Variants in PCDH9 observed in about 807,000 individuals in gnomAD.
The protein encoded by PCDH9 is protocadherin-9.
PCDH9 carries 24 observed loss-of-function variants against 70.6 expected under a neutral mutation model. The ratio of observed to expected loss-of-function variants is 0.34; its 90% confidence interval spans 0.25 to 0.48. The LOEUF (loss-of-function observed/expected upper bound fraction) is 0.48. PCDH9 is among the 20% of genes least tolerant of loss of function. The pLI, the probability that PCDH9 is intolerant of heterozygous loss-of-function variation, is 0.99. For synonymous variants in PCDH9, 562 were observed against 558.5 expected, an observed-to-expected ratio of 1.01 and a Z score of -0.09; for missense variants, 1,281 against 1,503.6, an observed-to-expected ratio of 0.85 and a Z score of 2.45.
Position 67,211,570 on chromosome 13 carries a change from A to T in PCDH9, c.3036+13835T>A, listed in dbSNP as rs189610568. The T allele has an allele frequency of 1.8e-4, 27 of 152,230 alleles. No homozygotes were observed. The East Asian group carries it at 4.8e-3, about 27-fold the overall frequency. The allele number at this position is 152,230 out of a possible 1,614,324, so 9.4% of individuals were successfully genotyped here. ...AGTGTTTTAGAAATAATTGAGTTAAAAAAACATAGTCTGTCTTGGCTGTAA... is the reference window on the plus strand; with the variant it reads ...AGTGTTTTAGAAATAATTGAGTTAATAAAACATAGTCTGTCTTGGCTGTAA... On this transcript the variant is annotated intron_variant, in intron 2 of 4. Coordinates refer to ENST00000377865, the MANE Select transcript of PCDH9 (RefSeq NM_203487.3).
intron 2 of PCDH9, among the ~76,000 whole-genome samples, chr13:66,918,452 A>C (rs1409223670): frequency 2.0e-5 from 3 of 151,218 alleles, no homozygotes; most frequent in Non-Finnish European, 3.0e-5. Context: ...CTCTTTTTAA[A>C]CTGGTAGGAG....
intron 4 of PCDH9, among the ~76,000 whole-genome samples, chr13:66,614,330 T>C (rs1171519048): frequency 2.6e-5 from 4 of 152,212 alleles, no homozygotes; most frequent in Non-Finnish European, 1.5e-5. Flanking sequence ...TGTGAACATA[T>C]TGACTAAATT....
chr13:67,149,835 AT>A (rs1387897111), intron 2 of PCDH9, among the ~76,000 whole-genome samples: 2 of 152,150 alleles, frequency 1.3e-5, no homozygotes, highest in Non-Finnish European at 2.9e-5. Context: ...GCAAATTAGC[AT>A]GTTTAATCGT....
chr13:66,520,348 A>G (rs1959933657), intron 4 of PCDH9, among the ~76,000 whole-genome samples: 1 of 152,152 alleles, frequency 6.6e-6, no homozygotes, highest in African/African-American at 2.4e-5. Flanking sequence ...TTCTAGTAAT[A>G]GAAGAAAACA....
chr13:67,091,109 A>G (rs2086209226), intron 2 of PCDH9, among the ~76,000 whole-genome samples: 2 of 152,106 alleles, frequency 1.3e-5, no homozygotes, highest in African/African-American at 4.8e-5. Flanking sequence ...AGTGCTTCCT[A>G]AAATGTTTCA....
At chr13:66,358,233 T>C (rs1956416631) in intron 4 of PCDH9, among the ~76,000 whole-genome samples, 1 of 151,994 alleles carries the variant, frequency 6.6e-6, no homozygotes. Context: ...AGGGAAAGTC[T>C]CAGTTTTATA....
At chr13:66,758,809 T>G (rs1043022635) in intron 3 of PCDH9, among the ~76,000 whole-genome samples, 1 of 152,052 alleles carries the variant, frequency 6.6e-6, no homozygotes, top group Non-Finnish European at 1.5e-5. Flanking sequence ...TACTCCTTAC[T>G]GATCTATTTA....
chr13:67,141,552 T>C (rs1479288602), intron 2 of PCDH9, among the ~76,000 whole-genome samples: 1 of 152,068 alleles, frequency 6.6e-6, no homozygotes, highest in Non-Finnish European at 1.5e-5. Context: ...GTGATTCTCC[T>C]GCCTCAGCCT....
intron 4 of PCDH9, among the ~76,000 whole-genome samples, chr13:66,546,258 A>G (rs1297772027): frequency 1.3e-5 from 2 of 152,032 alleles, no homozygotes; most frequent in African/African-American, 4.8e-5. Context: ...ATCATAGGAG[A>G]TGACAGCACA....
intron 2 of PCDH9, chr13:67,224,832 CAA>C (rs1379413530): frequency 2.2e-6 from 2 of 929,862 alleles, no homozygotes; most frequent in Non-Finnish European, 1.3e-6. Flanking sequence ...AATTTGAAAT[CAA>C]AGAGAAGACT....
intron 2 of PCDH9, chr13:67,214,973 T>TATATATATATATATATGTATA (rs56334218): frequency 7.9e-6 from 1 of 126,394 alleles, no homozygotes; most frequent in Admixed American, 8.3e-5. Context: ...TATATATATA[T>TATATATATATATATATGTATA]TCACTTAATC....
At chr13:66,581,460 A>C (rs2076891172) in intron 4 of PCDH9, among the ~76,000 whole-genome samples, 2 of 152,208 alleles carry the variant, frequency 1.3e-5, no homozygotes, top group Admixed American at 1.3e-4. Flanking sequence ...GATGCACAGC[A>C]AAAGTGAATT....
At position 66,635,910 on chromosome 13, in the gene PCDH9, A is replaced by G. The variant is rs117704619; in HGVS notation, c.3139-4499T>C. Among the ~76,000 whole-genome samples, 1,163 of 152,316 alleles carry G rather than the reference A, an allele frequency of 7.6e-3. 5 individuals are homozygous for G. The highest frequency in any genetic ancestry group is 0.011 in the Non-Finnish European group (765 of 68,012). On this transcript the variant is annotated intron_variant, in intron 3 of 4. Coordinates refer to ENST00000377865, the MANE Select transcript of PCDH9 (RefSeq NM_203487.3). ...GTCTAATAGATGATTAGTAAGTTATATAATATCCTGTAAAGATCACACCAT... is the reference window on the plus strand; with the variant it reads ...GTCTAATAGATGATTAGTAAGTTATGTAATATCCTGTAAAGATCACACCAT...
chr13:66,336,371 C>A (rs1315918017), intron 4 of PCDH9, among the ~76,000 whole-genome samples: 2 of 151,708 alleles, frequency 1.3e-5, no homozygotes, highest in Non-Finnish European at 2.9e-5. Context: ...ACAATAGAGA[C>A]CTGATGTATC....
At chr13:67,072,129 A>G (rs947757438) in intron 2 of PCDH9, among the ~76,000 whole-genome samples, 4 of 152,246 alleles carry the variant, frequency 2.6e-5, no homozygotes, top group Non-Finnish European at 5.9e-5. Context: ...TCAGAACACA[A>G]TGCCCCAAAA....
chr13:66,312,889 A>C (rs1955587822), intron 4 of PCDH9, among the ~76,000 whole-genome samples: 1 of 152,216 alleles, frequency 6.6e-6, no homozygotes, highest in Admixed American at 6.5e-5. Context: ...TCACAGATGA[A>C]AAGTCAACAT....
chr13:66,380,900 A>G (rs76326512), intron 4 of PCDH9, among the ~76,000 whole-genome samples: 9,848 of 152,178 alleles, frequency 0.065, 364 homozygotes, highest in Middle Eastern at 0.11. Context: ...GTAAGATATG[A>G]TGTAATCTGT....
chr13:66,400,257 G>T (rs1343263615), intron 4 of PCDH9, among the ~76,000 whole-genome samples: 2 of 152,150 alleles, frequency 1.3e-5, no homozygotes, highest in Non-Finnish European at 2.9e-5. Context: ...AGTCTGTTAA[G>T]ACACAGCTTT....
chr13:67,070,296 C>T (rs1225153597), intron 2 of PCDH9, among the ~76,000 whole-genome samples: 3 of 151,782 alleles, frequency 2.0e-5, no homozygotes, highest in Admixed American at 6.6e-5. Flanking sequence ...TGGAGCATAA[C>T]TACTGTAAAG....
Sources: allele counts gnomAD v4.1 joint callset (sites outside exome capture counted in the v4.1 genomes callset), GRCh38; gene constraint gnomAD v4.1.1; transcripts MANE v1.5; gene names NCBI Gene and HGNC (gene_info 2026-07-23, HGNC 2026-07-21).